Variants in FMN2 observed in about 807,000 individuals in gnomAD.
FMN2 encodes the protein formin-2.
FMN2 carries 51 observed loss-of-function variants against 142.3 expected under a neutral mutation model. The ratio of observed to expected loss-of-function variants is 0.36; its 90% CI spans 0.29 to 0.45. FMN2 has a LOEUF of 0.45. Among genes scored for constraint, FMN2 ranks in the 20% least tolerant of loss-of-function variants. FMN2 has a pLI of 1.00. For missense variants in FMN2, 1,936 were observed against 2,122.8 expected (o/e 0.91, Z 1.73); for synonymous variants, 882 against 869.8 (o/e 1.01, Z -0.25).
chr1:240,473,517 G>T lies in FMN2; in HGVS notation c.5143-611G>T, dbSNP rs1318877826. Among the ~76,000 whole-genome samples, 4 of 152,142 alleles carry T rather than the reference G, an allele frequency of 2.6e-5. No individual in the cohort carries two copies. Among genetic ancestry groups the T allele is most frequent in the South Asian group, 2.1e-4 (1 of 4,824 alleles). ...AGTCTAATGTAGTCTAAAGGGAAAA[G>T]ACATTAAAATAACCCAAATTGGGAT... On this transcript the variant is annotated intron_variant, in intron 17 of 17. Transcript: ENST00000319653. The surrounding 1 kb of genome is among the most constrained non-coding windows in gnomAD (Gnocchi z 4.3).
chr1:240,465,476 G>C (rs1398940280), intron 16 of FMN2, among the ~76,000 whole-genome samples: 1 of 151,804 alleles, frequency 6.6e-6, no homozygotes, highest in Non-Finnish European at 1.5e-5. Flanking sequence ...TTTTAGTAAA[G>C]AATATTGTGA....
intron 2 of FMN2, among the ~76,000 whole-genome samples, chr1:240,159,974 T>TAC (rs1185408892): frequency 0.033 from 4,482 of 133,994 alleles, 136 homozygotes; most frequent in African/African-American, 0.076. Flanking sequence ...TATATATATA[T>TAC]ACACACACAC....
rs1161163283 is a variant in FMN2, at chr1:240,142,908, A to G, written c.1782+19563A>G. Reference sequence around the variant, plus strand: ...CAGCTCCTCATCAAACGTAACCAGCATTCGGGGCCGCATGGCAGCCACCAG... The same window carrying G: ...CAGCTCCTCATCAAACGTAACCAGCGTTCGGGGCCGCATGGCAGCCACCAG... On this transcript the variant is annotated intron_variant, in intron 2 of 17. Coordinates refer to ENST00000319653, the MANE Select transcript of FMN2 (RefSeq NM_020066.5). The G allele has an allele frequency of 5.0e-6, 8 of 1,605,994 alleles. No individual in the cohort carries two copies. In the African/African-American group the frequency reaches 9.4e-5, roughly 19 times the overall value.
In FMN2 at chr1:240,329,401, A is replaced by G. The variant is rs2103013716; in HGVS notation, c.4370A>G (p.Gln1457Arg). ...GAGCGAGTCTTTTGCATCCTGTTCC[A>G]GTCCACATTTTCAGAAAGCATTTGC... ...FSERVFCILFQSTFSESICSI... is the reference protein window; with the variant it reads ...FSERVFCILFRSTFSESICSI... The change falls in exon 10 of 18, where the codon CAG becomes CGG. Residue 1457 changes from glutamine to arginine, a missense_variant. Coordinates refer to ENST00000319653, the MANE Select transcript of FMN2 (RefSeq NM_020066.5). 6.2e-7 allele frequency: 1 copy of G among 1,614,084 alleles called. No individual in the cohort carries two copies. Among genetic ancestry groups the G allele is most frequent in the Non-Finnish European group, 8.5e-7 (1 of 1,179,954 alleles).
chr1:240,161,806 A>G (rs915087385), intron 2 of FMN2, among the ~76,000 whole-genome samples: 3 of 152,202 alleles, frequency 2.0e-5, no homozygotes, highest in Admixed American at 1.3e-4. Flanking sequence ...CATCTCACAA[A>G]TACAAAACTT....
intron 6 of FMN2, among the ~76,000 whole-genome samples, chr1:240,254,044 GGCCCTGATATTA>G (rs1668367601): frequency 6.6e-6 from 1 of 152,096 alleles, no homozygotes; most frequent in African/African-American, 2.4e-5. Context: ...GGTGTATGCT[GGCCCTGATATTA>G]GCAGGTTCAG....
At chr1:240,412,522 A>G (rs1283359206) in intron 15 of FMN2, among the ~76,000 whole-genome samples, 1 of 152,162 alleles carries the variant, frequency 6.6e-6, no homozygotes, top group Non-Finnish European at 1.5e-5. Flanking sequence ...TGGAGAGAAA[A>G]TCTGCCTTGT....
At chr1:240,126,111 A>G (rs1419105687) in intron 2 of FMN2, among the ~76,000 whole-genome samples, 1 of 152,222 alleles carries the variant, frequency 6.6e-6, no homozygotes, top group Non-Finnish European at 1.5e-5. Flanking sequence ...ATGCGCAGTC[A>G]AGGAGTTTCT....
At chr1:240,179,564 A>C (rs1665068794) in intron 3 of FMN2, 1 of 148,842 alleles carries the variant, frequency 6.7e-6, no homozygotes, top group African/African-American at 2.6e-5. Flanking sequence ...CGTAACACTT[A>C]CAGAGAGCAG....
Position 240,245,952 on chromosome 1 carries a change from G to A in FMN2, c.4066-11993G>A, listed in dbSNP as rs138787989. ...TCCAGGCACTTGGGGAGGCCGTGGC[G>A]GGCGGATCACGAGGTCAGGGGATCG... On this transcript the variant is annotated intron_variant, in intron 6 of 17. Transcript: ENST00000319653. Among the ~76,000 whole-genome samples the A allele has an allele frequency of 1.3e-3, 191 of 151,542 alleles. 1 individual carries two copies. Among genetic ancestry groups the A allele is most frequent in the African/African-American group, 4.3e-3 (176 of 41,282 alleles).
chr1:240,270,963 A>G (rs1407357261), intron 7 of FMN2, among the ~76,000 whole-genome samples: 1 of 151,994 alleles, frequency 6.6e-6, no homozygotes, highest in Admixed American at 6.6e-5. Context: ...TGTATTGTAT[A>G]TTTCAAAATA....
chr1:240,453,467 A>G (rs1304367631), intron 16 of FMN2, among the ~76,000 whole-genome samples: 3 of 152,200 alleles, frequency 2.0e-5, no homozygotes, highest in Admixed American at 1.3e-4. Flanking sequence ...ATTAAGTGTC[A>G]TAGTCCCAAC....
chr1:240,178,301 A>G (rs1390931651), intron 3 of FMN2, among the ~76,000 whole-genome samples: 1 of 152,050 alleles, frequency 6.6e-6, no homozygotes. Flanking sequence ...TATTTGGAGG[A>G]GTTCAGCAGG....
intron 15 of FMN2, among the ~76,000 whole-genome samples, chr1:240,398,170 T>C (rs1673849703): frequency 6.6e-6 from 1 of 152,048 alleles, no homozygotes; most frequent in African/African-American, 2.4e-5. Flanking sequence ...TAACTTTTTT[T>C]TTCTTGTATT....
chr1:240,349,954 A>ATTT (rs34827249), intron 13 of FMN2, among the ~76,000 whole-genome samples: 1 of 144,660 alleles, frequency 6.9e-6, no homozygotes, highest in Admixed American at 6.9e-5. Context: ...AGTGTTCGGT[A>ATTT]TTTTTTTTTT....
intron 1 of FMN2, among the ~76,000 whole-genome samples, chr1:240,118,784 A>G (rs915860100): frequency 6.6e-6 from 1 of 152,148 alleles, no homozygotes; most frequent in African/African-American, 2.4e-5. Flanking sequence ...CAAATCACTA[A>G]GAATGATAGG....
At chr1:240,170,809 G>T in intron 2 of FMN2, 1 of 911,034 alleles carries the variant, frequency 1.1e-6, no homozygotes, top group Non-Finnish European at 1.9e-6. Context: ...CGGTAAAGTG[G>T]CTGGTGCATC....
chr1:240,423,673 C>T (rs1558483353), intron 15 of FMN2, among the ~76,000 whole-genome samples: 2 of 152,200 alleles, frequency 1.3e-5, no homozygotes, highest in Admixed American at 6.5e-5. Context: ...GAGAGAAAGG[C>T]AGAGACCCCC....
chr1:240,364,263 A>G (rs184433576), intron 14 of FMN2, among the ~76,000 whole-genome samples: 1 of 152,232 alleles, frequency 6.6e-6, no homozygotes, highest in African/African-American at 2.4e-5. Context: ...AATCATTGTA[A>G]TATAGTAAGA....
Sources: allele counts gnomAD v4.1 joint callset (sites outside exome capture counted in the v4.1 genomes callset), GRCh38; gene constraint gnomAD v4.1.1; non-coding constraint Gnocchi (gnomAD v3.1); transcripts MANE v1.5; gene names NCBI Gene and HGNC (gene_info 2026-07-23, HGNC 2026-07-21).